Variants in CA6 observed in about 807,000 individuals in gnomAD.
CA6 encodes carbonic anhydrase 6, also known as carbonate dehydratase VI.
In CA6, 28 loss-of-function variants were observed where a neutral mutation model predicts 35.9. That is an observed-to-expected ratio of 0.78 (90% CI 0.58 to 1.07). CA6 has a LOEUF of 1.07. Ranked by LOEUF, CA6 falls within the 50% of genes least tolerant of loss-of-function variation. The pLI, the probability that CA6 is intolerant of heterozygous loss-of-function variation, is 0.00. For missense variants in CA6, 377 were observed against 382.0 expected, an observed-to-expected ratio of 0.99 and a Z score of 0.11; for synonymous variants, 148 against 152.6, an observed-to-expected ratio of 0.97 and a Z score of 0.22.
intron 7 of CA6, among the ~76,000 whole-genome samples, chr1:8,973,132 G>A (rs1258954501): frequency 6.6e-6 from 1 of 152,118 alleles, no homozygotes; most frequent in Non-Finnish European, 1.5e-5. Context: ...CAATTCTCCT[G>A]CCTCAGCCTC....
In CA6 at chr1:8,963,795, C is replaced by T. The variant is rs1569707177; in HGVS notation, c.571+1139C>T. On this transcript the variant is annotated intron_variant, in intron 5 of 7. Transcript: ENST00000377443. This position sits in a 1 kb window ranked among gnomAD's most constrained non-coding sequence, Gnocchi z 4.1. ...GGCTCAAGTGATCTGCCTGCCTCAA[C>T]TTCCCAAAATTTTGGGATTATAGGC... Among the ~76,000 whole-genome samples the T allele has an allele frequency of 1.3e-5, 2 of 152,336 alleles. No individual in the cohort carries two copies. The highest frequency in any genetic ancestry group is 6.8e-3 in the Middle Eastern group (2 of 294).
chr1:8,973,720 C>CT (rs1353733293), intron 7 of CA6, among the ~76,000 whole-genome samples: 5 of 12,392 alleles, frequency 4.0e-4, no homozygotes, highest in Non-Finnish European at 7.0e-4. Context: ...CTCTTTCTTT[C>CT]TTTCTTTCTT....
At chr1:8,962,108 G>C (rs974017517) in intron 4 of CA6, among the ~76,000 whole-genome samples, 2 of 152,036 alleles carry the variant, frequency 1.3e-5, no homozygotes, top group South Asian at 2.1e-4. Context: ...CAGGTGTGGT[G>C]GTGGGCACCT....
rs113532929 is a variant in CA6 at position 8,960,743 on chromosome 1, A to AACACACAC, written c.501+1781_501+1788dup. Among the ~76,000 whole-genome samples the AACACACAC allele has an allele frequency of 4.3e-3, 466 of 108,980 alleles. 8 individuals are homozygous for AACACACAC. Among genetic ancestry groups the AACACACAC allele is most frequent in the African/African-American group, 0.017 (429 of 25,842 alleles). The allele number at this position is 108,980 out of a possible 152,430, so 71.5% of individuals were successfully genotyped here. ...TCATGGGGACAAAATCAAGTATAGC[A>AACACACAC]ACACACACACACACACACACACACA... On this transcript the variant is annotated intron_variant, in intron 4 of 7. Coordinates refer to ENST00000377443, the MANE Select transcript of CA6 (RefSeq NM_001215.4).
At chr1:8,949,595 T>C (rs1408416172) in intron 2 of CA6, among the ~76,000 whole-genome samples, 153 bp downstream of exon 2, 1 of 152,114 alleles carries the variant, frequency 6.6e-6, no homozygotes, top group Non-Finnish European at 1.5e-5. Flanking sequence ...ACATGAGGGC[T>C]GACTGGCCCC....
At chr1:8,956,994 C>A in intron 2 of CA6, 143 bp from the exon 3 acceptor site, 3 of 657,668 alleles carry the variant, frequency 4.6e-6, no homozygotes, top group South Asian at 2.7e-5. Flanking sequence ...GGTGACCCTG[C>A]CCATGGCATT....
chr1:8,974,401 C>T, intron 7 of CA6: 1 of 1,541,824 alleles, frequency 6.5e-7, no homozygotes. Context: ...GTACAGCCCA[C>T]CTCAACACGC....
intron 2 of CA6, among the ~76,000 whole-genome samples, chr1:8,955,643 G>GCCTCCTTTTAAGGCCCTTCCACA (rs1639658316): frequency 6.6e-6 from 1 of 150,446 alleles, no homozygotes; most frequent in South Asian, 2.1e-4. Context: ...GCCCTTCCAC[G>GCCTCCTTTTAAGGCCCTTCCACA]CCTCCTTTTA....
chr1:8,947,969 C>G (rs917682656), intron 1 of CA6, among the ~76,000 whole-genome samples: 2 of 151,886 alleles, frequency 1.3e-5, no homozygotes, highest in African/African-American at 4.9e-5. Flanking sequence ...CTTAGCCTCT[C>G]AAGTAGCTGG....
rs775859107 is a variant in CA6, at chr1:8,949,344, G to A, written c.161G>A (p.Arg54Lys). ...GQRQSPINLQ[R>K]TKVRYNPSLK... ...AGACAGTCGCCTATCAACCTACAGA[G>A]GACGAAGGTGCGGTACAACCCCTCC... Residue 54 changes from arginine (R) to lysine (K), a missense_variant, in exon 2 of 8, where the codon AGG (arginine) becomes AAG (lysine). Arg to Lys is a conservative substitution (Grantham distance 26). Coordinates refer to ENST00000377443, the MANE Select transcript of CA6 (RefSeq NM_001215.4). 1 of 1,613,046 alleles carries A rather than the reference G, an allele frequency of 6.2e-7. No homozygotes were observed. The highest frequency in any genetic ancestry group is 1.1e-5 in the South Asian group (1 of 91,018).
chr1:8,968,570 C>A (rs779650916), intron 6 of CA6, among the ~76,000 whole-genome samples: 6 of 151,992 alleles, frequency 3.9e-5, no homozygotes, highest in Non-Finnish European at 7.4e-5. Flanking sequence ...GTGGAATTAT[C>A]AGACAATTAA....
At chr1:8,953,692 T>C (rs991373694) in intron 2 of CA6, among the ~76,000 whole-genome samples, 2 of 152,140 alleles carry the variant, frequency 1.3e-5, no homozygotes, top group Admixed American at 1.3e-4. Context: ...TTTCAGTCCA[T>C]GTGGGTAATT....
At chr1:8,965,072 C>T (rs895401947) in intron 5 of CA6, among the ~76,000 whole-genome samples, 1 of 151,984 alleles carries the variant, frequency 6.6e-6, no homozygotes, top group African/African-American at 2.4e-5. Flanking sequence ...GGTTGAACCC[C>T]GTCTCTACTA....
chr1:8,973,056 G>A (rs1640150489), intron 7 of CA6, among the ~76,000 whole-genome samples: 1 of 152,134 alleles, frequency 6.6e-6, no homozygotes, highest in Admixed American at 6.5e-5. Flanking sequence ...TCACTCTGTC[G>A]CCCAGGCTGG....
intron 7 of CA6, 140 bp from the exon 8 acceptor site, chr1:8,974,482 G>T: frequency 1.3e-6 from 2 of 1,483,804 alleles, no homozygotes; most frequent in Non-Finnish European, 9.0e-7. Flanking sequence ...GCAATGCACC[G>T]GGCACGTGGA....
At chr1:8,973,722 T>C (rs376026523) in intron 7 of CA6, among the ~76,000 whole-genome samples, 17 of 12,748 alleles carry the variant, frequency 1.3e-3, no homozygotes, top group South Asian at 5.0e-3. Flanking sequence ...CTTTCTTTCT[T>C]TCTTTCTTTC....
Position 8,974,758 on chromosome 1 carries a change from G to A in CA6, c.*54G>A, listed in dbSNP as rs1284177834. On this transcript the variant is annotated 3_prime_UTR_variant, in exon 8 of 8. Transcript: ENST00000377443. ...ACTAGCTTGAAGCCTGACCTAGCCA[G>A]AAGTGCCTGTCCGCTGCAGCCGCAC... 31 of 1,121,160 alleles carry A rather than the reference G, an allele frequency of 2.8e-5. No homozygotes were observed. The highest frequency in any genetic ancestry group is 7.1e-5 in the Admixed American group (3 of 42,526). The allele number at this position is 1,121,160 out of a possible 1,614,324, so 69.5% of individuals were successfully genotyped here.
Position 8,974,722 on chromosome 1 carries a change from A to C in CA6, c.*18A>C. The C allele has an allele frequency of 6.6e-7, 1 of 1,517,468 alleles. No homozygotes were observed. The highest frequency in any genetic ancestry group is 9.0e-7 in the Non-Finnish European group (1 of 1,108,066). 94.0% of individuals were successfully genotyped at this position (1,517,468 alleles called of 1,614,324 possible). On this transcript the variant is annotated 3_prime_UTR_variant, in exon 8 of 8. Transcript: ENST00000377443. ...TGAACTGAGGAAAGCTAAGAGGAAG[A>C]TTCAATATTAACTAGCTTGAAGCCT...
chr1:8,953,254 CAGTTT>C (rs1291953423), intron 2 of CA6, among the ~76,000 whole-genome samples: 1 of 152,098 alleles, frequency 6.6e-6, no homozygotes, highest in African/African-American at 2.4e-5. Context: ...CTGGATGAAC[CAGTTT>C]ATCCATTCAC....
Sources: gnomAD v4.1 joint callset for allele counts (sites outside exome capture counted in the v4.1 genomes callset) on GRCh38, gnomAD v4.1.1 for gene constraint, Gnocchi (gnomAD v3.1) non-coding constraint, MANE v1.5 for transcripts, NCBI Gene and HGNC (gene_info 2026-07-23, HGNC 2026-07-21) for gene names.